ATAD2B: variants seen among roughly 807,000 people sequenced by gnomAD.
ATAD2B encodes ATPase family AAA domain containing 2B.
In ATAD2B, 40 loss-of-function variants were observed where a neutral mutation model predicts 167.6. The observed-to-expected ratio is 0.24, with a 90% CI of 0.19 to 0.31. The LOEUF (loss-of-function observed/expected upper bound fraction) is 0.31. Among genes scored for constraint, ATAD2B ranks in the 10% least tolerant of loss-of-function variants. The pLI is 1.00. For synonymous variants in ATAD2B, 579 were observed against 596.5 expected (o/e 0.97, Z 0.43); for missense variants, 1,242 against 1,757.2 (o/e 0.71, Z 5.24).
chr2:23,693,303 G>C, the ATAD2B span: 1 of 1,546,428 alleles, frequency 6.5e-7, no homozygotes, highest in Non-Finnish European at 8.7e-7. Flanking sequence ...GCCTGGGCGT[G>C]CTGGCCATGG....
At chr2:23,919,451 G>A (rs1703570418) in intron 1 of ATAD2B, among the ~76,000 whole-genome samples, 1 of 152,110 alleles carries the variant, frequency 6.6e-6, no homozygotes, top group South Asian at 2.1e-4. Context: ...GGAGGTTAAG[G>A]TGGGAGGATC....
intron 24 of ATAD2B, among the ~76,000 whole-genome samples, chr2:23,760,690 T>TTATATATATA (rs60333740): frequency 1.8e-3 from 211 of 117,682 alleles, no homozygotes; most frequent in Middle Eastern, 4.3e-3. Flanking sequence ...ATAAATAAAT[T>TTATATATATA]TATATATATA....
At chr2:23,830,934 T>TA (rs1688951986) in intron 14 of ATAD2B, among the ~76,000 whole-genome samples, 1 of 152,136 alleles carries the variant, frequency 6.6e-6, no homozygotes, top group South Asian at 2.1e-4. Context: ...AAAAGAGGTT[T>TA]AAAGTAATGA....
At chr2:23,872,654 T>A in intron 8 of ATAD2B, 1 of 1,346,202 alleles carries the variant, frequency 7.4e-7, no homozygotes, top group Non-Finnish European at 1.1e-6. Context: ...TGGAACATCA[T>A]AGGAGAGCCT....
chr2:23,903,091 C>G (rs886625109), intron 1 of ATAD2B, among the ~76,000 whole-genome samples: 1 of 151,886 alleles, frequency 6.6e-6, no homozygotes, highest in Non-Finnish European at 1.5e-5. Flanking sequence ...GAAAAATTAG[C>G]CAGGTGTGCT....
At chr2:23,765,439 G>A (rs749689696) in intron 23 of ATAD2B, 67 bp downstream of exon 23, 52 of 1,309,780 alleles carry the variant, frequency 4.0e-5, no homozygotes, top group Admixed American at 8.2e-5. Flanking sequence ...AAGAAACAGC[G>A]TTCAAGTACT....
chr2:23,855,192 CA>C (rs869284711), intron 13 of ATAD2B, among the ~76,000 whole-genome samples: 7,124 of 95,172 alleles, frequency 0.075, 219 homozygotes, highest in African/African-American at 0.14. Context: ...GACTCTGTCT[CA>C]AAAAAAAAAA....
the ATAD2B span, chr2:23,706,496 T>A: frequency 6.5e-7 from 1 of 1,530,794 alleles, no homozygotes; most frequent in East Asian, 2.5e-5. Flanking sequence ...TGGTGCTTGA[T>A]GGCAAGATTT....
At chr2:23,920,885 T>C (rs992896504) in intron 1 of ATAD2B, among the ~76,000 whole-genome samples, 1 of 152,122 alleles carries the variant, frequency 6.6e-6, no homozygotes, top group Non-Finnish European at 1.5e-5. Flanking sequence ...ACATTCTTAT[T>C]GAAAGACCAA....
chr2:23,772,687 T>C (rs1324934415), intron 22 of ATAD2B, among the ~76,000 whole-genome samples: 1 of 151,936 alleles, frequency 6.6e-6, no homozygotes, highest in Non-Finnish European at 1.5e-5. Context: ...ACAAGGAATA[T>C]ATTCTTTTAA....
intron 22 of ATAD2B, among the ~76,000 whole-genome samples, chr2:23,774,729 G>A (rs536403622): frequency 1.3e-5 from 2 of 152,042 alleles, no homozygotes; most frequent in African/African-American, 2.4e-5. Flanking sequence ...GTGAAACCCC[G>A]TCTCTACTAA....
rs1349299662 is a variant in ATAD2B, at chr2:23,749,926, T to A, written c.*2120A>T. 1 of 151,894 alleles carries A rather than the reference T, an allele frequency of 6.6e-6. No individual in the cohort carries two copies. Among genetic ancestry groups the A allele is most frequent in the East Asian group, 1.9e-4 (1 of 5,180 alleles). 9.4% of individuals were successfully genotyped at this position (151,894 alleles called of 1,614,324 possible). On this transcript the variant is annotated 3_prime_UTR_variant, in exon 28 of 28. Transcript: ENST00000238789. ...TGCTTCTGAATTAGAATAACTGGAA[T>A]AAATATTTAAAAAAAAATAGTGCAG...
At chr2:23,725,042 CAAAAAAAAA>C in the ATAD2B span, among the ~76,000 whole-genome samples, 1 of 71,688 alleles carries the variant, frequency 1.4e-5, no homozygotes, top group African/African-American at 6.1e-5. Context: ...GACTCTGTCT[CAAAAAAAAA>C]AAAAAAAAAA....
chr2:23,679,842 C>T, the ATAD2B span, among the ~76,000 whole-genome samples: 2 of 151,894 alleles, frequency 1.3e-5, no homozygotes, highest in African/African-American at 2.4e-5. Context: ...AACACTTTCC[C>T]TGGTGGTGAA....
At chr2:23,832,084 G>A (rs149851014) in intron 14 of ATAD2B, 3,985 of 342,658 alleles carry the variant, frequency 0.012, 82 homozygotes, top group South Asian at 0.05. Flanking sequence ...ATACAATGAC[G>A]AATTTTCTGT....
At chr2:23,682,594 C>T in the ATAD2B span, among the ~76,000 whole-genome samples, 8 of 152,182 alleles carry the variant, frequency 5.3e-5, no homozygotes, top group African/African-American at 1.7e-4. The surrounding 1 kb of genome is among the most constrained non-coding windows in gnomAD (Gnocchi z 4.1). Context: ...TGCGATCTGG[C>T]CCCGCCCACC....
chr2:23,886,930 CAA>C (rs771470947), intron 4 of ATAD2B, among the ~76,000 whole-genome samples: 7 of 116,344 alleles, frequency 6.0e-5, no homozygotes, highest in Non-Finnish European at 7.2e-5. Flanking sequence ...GACTCCATCT[CAA>C]AAAAAAAAAA....
At chr2:23,824,041 C>T (rs1687873531) in intron 15 of ATAD2B, among the ~76,000 whole-genome samples, 1 of 152,166 alleles carries the variant, frequency 6.6e-6, no homozygotes, top group African/African-American at 2.4e-5. Context: ...CTCTACCTCC[C>T]AGCCTCAAGT....
chr2:23,801,223 G>C (rs927591411), intron 18 of ATAD2B, among the ~76,000 whole-genome samples: 5 of 150,742 alleles, frequency 3.3e-5, no homozygotes, highest in African/African-American at 1.2e-4. Context: ...TATAGTATAA[G>C]CAACAGGAAA....
Sources: allele counts gnomAD v4.1 joint callset (sites outside exome capture counted in the v4.1 genomes callset), GRCh38; gene constraint gnomAD v4.1.1; non-coding constraint Gnocchi (gnomAD v3.1); transcripts MANE v1.5; gene names NCBI Gene and HGNC (gene_info 2026-07-23, HGNC 2026-07-21).